Variants in DPYD observed in about 807,000 individuals in gnomAD.
The protein encoded by DPYD is dihydropyrimidine dehydrogenase [NADP(+)].
In DPYD, 109 loss-of-function variants were observed where a neutral mutation model predicts 116.2. The ratio of observed to expected loss-of-function variants is 0.94; its 90% CI spans 0.80 to 1.10. DPYD has a LOEUF of 1.10. DPYD is among the 50% of genes least tolerant of loss of function. DPYD has a pLI of 0.00. For missense variants in DPYD, 1,302 were observed against 1,254.5 expected (o/e 1.04, Z -0.57); for synonymous variants, 440 against 432.0 (o/e 1.02, Z -0.23).
intron 13 of DPYD, among the ~76,000 whole-genome samples, chr1:97,453,254 T>C (rs1413953342): frequency 2.0e-5 from 3 of 152,126 alleles, no homozygotes; most frequent in African/African-American, 4.8e-5. Flanking sequence ...AGGATTTAAA[T>C]AGAATGCCCC....
At chr1:97,098,429 C>A in intron 21 of DPYD, 60 bp downstream of exon 21, 1 of 1,560,952 alleles carries the variant, frequency 6.4e-7, no homozygotes, top group Non-Finnish European at 8.8e-7. Flanking sequence ...AACATTTTAA[C>A]TATATTTGTA....
chr1:97,472,919 T>C (rs189893714), intron 13 of DPYD, among the ~76,000 whole-genome samples: 2 of 152,338 alleles, frequency 1.3e-5, no homozygotes, highest in East Asian at 3.9e-4. Flanking sequence ...AAATGATTAC[T>C]ATAATCAACC....
chr1:97,446,155 A>G (rs1676075681), intron 14 of DPYD, among the ~76,000 whole-genome samples: 1 of 152,148 alleles, frequency 6.6e-6, no homozygotes, highest in Admixed American at 6.5e-5. Flanking sequence ...AAGTACTTAT[A>G]CTCACCACGA....
intron 2 of DPYD, among the ~76,000 whole-genome samples, chr1:97,847,958 G>T (rs1313990881): frequency 6.6e-6 from 1 of 152,114 alleles, no homozygotes; most frequent in East Asian, 1.9e-4. Context: ...CAAAGCACAT[G>T]ATTGTTTTAT....
At chr1:97,218,137 T>C (rs541625878) in intron 19 of DPYD, among the ~76,000 whole-genome samples, 2 of 152,292 alleles carry the variant, frequency 1.3e-5, no homozygotes, top group African/African-American at 4.8e-5. Context: ...ACAAATACTG[T>C]AAAGAATCTT....
intron 20 of DPYD, among the ~76,000 whole-genome samples, chr1:97,139,214 A>G (rs1654028337): frequency 6.6e-6 from 1 of 152,154 alleles, no homozygotes; most frequent in African/African-American, 2.4e-5. Context: ...TCGGTGATGA[A>G]CAAGTCAGTC....
At chr1:97,283,558 A>G (rs71656180) in intron 18 of DPYD, among the ~76,000 whole-genome samples, 2,277 of 152,218 alleles carry the variant, frequency 0.015, 31 homozygotes, top group South Asian at 0.024. Flanking sequence ...TAACTGCCAT[A>G]TTCATTTCTA....
chr1:97,638,009 C>T (rs1310044243), intron 8 of DPYD, among the ~76,000 whole-genome samples: 1 of 152,038 alleles, frequency 6.6e-6, no homozygotes, highest in Non-Finnish European at 1.5e-5. Context: ...TCACTCTAAG[C>T]ACATGTACTG....
chr1:97,569,885 C>T (rs114170368), intron 11 of DPYD, among the ~76,000 whole-genome samples: 1,619 of 151,952 alleles, frequency 0.011, 19 homozygotes, highest in Non-Finnish European at 0.018. Flanking sequence ...CTGGTACAAT[C>T]CAAAAAGTGA....
At chr1:97,697,419 G>C (rs1012250580) in intron 6 of DPYD, among the ~76,000 whole-genome samples, 1 of 152,034 alleles carries the variant, frequency 6.6e-6, no homozygotes, top group African/African-American at 2.4e-5. Context: ...CAAGATACAA[G>C]AGAATGAGAG....
chr1:97,780,963 A>T (rs1044415983), intron 3 of DPYD, among the ~76,000 whole-genome samples: 1 of 152,248 alleles, frequency 6.6e-6, no homozygotes, highest in Non-Finnish European at 1.5e-5. Context: ...ACAGCAGAAC[A>T]AATAACTAAC....
intron 1 of DPYD, among the ~76,000 whole-genome samples, chr1:97,911,803 T>C (rs1371269166): frequency 6.6e-6 from 1 of 152,098 alleles, no homozygotes; most frequent in Non-Finnish European, 1.5e-5. Context: ...TTACATTTAC[T>C]CATTCTAGAT....
rs35111926 is a variant in DPYD at position 97,527,794 on chromosome 1, GAAAA to G, written c.1525-11857_1525-11854del. Among the ~76,000 whole-genome samples the G allele has an allele frequency of 3.6e-4, 41 of 112,768 alleles. No homozygotes were observed. In the Middle Eastern group the frequency reaches 0.02, roughly 54 times the overall value. The allele number at this position is 112,768 out of a possible 152,430, so 74.0% of individuals were successfully genotyped here. A position where few individuals can be genotyped will look rare whatever the true frequency, so the allele number is the denominator to read the frequency against. On this transcript the variant is annotated intron_variant, in intron 12 of 22. Coordinates refer to ENST00000370192, the MANE Select transcript of DPYD (RefSeq NM_000110.4). ...ATTTGCTTTGCTAGAATGAAATTTG[GAAAA>G]AAAAAAAAAAAAAAAGGAAGAGAAA...
chr1:97,740,270 T>C (rs1003904822), intron 4 of DPYD, 122 bp downstream of exon 4: 4 of 745,838 alleles, frequency 5.4e-6, no homozygotes, highest in Non-Finnish European at 6.8e-6. Flanking sequence ...TAAATGCCTA[T>C]AGAAGTCATA....
At chr1:97,367,636 C>G (rs1439507476) in intron 16 of DPYD, among the ~76,000 whole-genome samples, 2 of 152,066 alleles carry the variant, frequency 1.3e-5, no homozygotes, top group Non-Finnish European at 2.9e-5. Context: ...TGTTCAGGTC[C>G]TTATTTGCCT....
intron 18 of DPYD, among the ~76,000 whole-genome samples, chr1:97,292,357 C>T (rs912276062): frequency 2.6e-5 from 4 of 152,044 alleles, no homozygotes; most frequent in Non-Finnish European, 4.4e-5. Context: ...CATGTCAGAA[C>T]GGGAAGCAAA....
At chr1:97,123,066 G>T (rs1169444123) in intron 20 of DPYD, among the ~76,000 whole-genome samples, 2 of 152,002 alleles carry the variant, frequency 1.3e-5, no homozygotes, top group Non-Finnish European at 2.9e-5. Flanking sequence ...CTACCATGTG[G>T]CCAGGGAATA....
intron 8 of DPYD, among the ~76,000 whole-genome samples, chr1:97,657,933 G>A (rs1046849420): frequency 6.6e-6 from 1 of 152,032 alleles, no homozygotes; most frequent in Non-Finnish European, 1.5e-5. Flanking sequence ...CAGCTTTTGC[G>A]TTTGAATTTC....
At chr1:97,383,250 G>A (rs1053300622) in intron 14 of DPYD, among the ~76,000 whole-genome samples, 9 of 152,076 alleles carry the variant, frequency 5.9e-5, no homozygotes, top group Admixed American at 5.2e-4. Flanking sequence ...GCAGAGGCGG[G>A]TGGATCACTT....
Sources: allele counts gnomAD v4.1 joint callset (sites outside exome capture counted in the v4.1 genomes callset), GRCh38; gene constraint gnomAD v4.1.1; transcripts MANE v1.5; gene names NCBI Gene and HGNC (gene_info 2026-07-23, HGNC 2026-07-21).